Variants in EIF3A observed in about 807,000 individuals in gnomAD.
EIF3A encodes eukaryotic translation initiation factor 3 subunit A, also known as EIF3, p180 subunit.
A neutral mutation model predicts 186.6 loss-of-function variants in EIF3A; 21 were observed. The ratio of observed to expected loss-of-function variants is 0.11; its 90% CI spans 0.08 to 0.16. EIF3A has a LOEUF of 0.16. Among genes scored for constraint, EIF3A ranks in the 10% least tolerant of loss-of-function variants. The probability of loss-of-function intolerance (pLI) is 1.00; values close to 1 mark genes in which losing one functional copy is unlikely to be tolerated. For missense variants in EIF3A, 1,306 were observed against 1,796.3 expected (o/e 0.73, Z 4.93); for synonymous variants, 563 against 584.3 (o/e 0.96, Z 0.52).
At chr10:119,061,085 A>G (rs1843877456) in intron 8 of EIF3A, 139 bp downstream of exon 8, 3 of 571,742 alleles carry the variant, frequency 5.2e-6, no homozygotes, top group Middle Eastern at 2.9e-4. Flanking sequence ...CTCTTGAAAT[A>G]AAGAAAAAAG....
chr10:119,063,905 A>G (rs1843929105), intron 7 of EIF3A, among the ~76,000 whole-genome samples: 1 of 152,214 alleles, frequency 6.6e-6, no homozygotes, highest in African/African-American at 2.4e-5. Flanking sequence ...CAACGTGGCA[A>G]AATCCCGTCT....
intron 14 of EIF3A, among the ~76,000 whole-genome samples, chr10:119,054,792 A>T (rs1848402293): frequency 6.6e-6 from 1 of 152,168 alleles, no homozygotes; most frequent in African/African-American, 2.4e-5. Flanking sequence ...CCTAGCTTTC[A>T]ACATGCCTTC....
intron 14 of EIF3A, among the ~76,000 whole-genome samples, chr10:119,056,495 T>C (rs950025053): frequency 1.3e-5 from 2 of 152,222 alleles, no homozygotes; most frequent in Non-Finnish European, 1.5e-5. Flanking sequence ...AATTTACCCA[T>C]TTAAAGTGTA....
chr10:119,051,772 T>C (rs992968077), intron 14 of EIF3A, among the ~76,000 whole-genome samples: 1 of 152,206 alleles, frequency 6.6e-6, no homozygotes, highest in Non-Finnish European at 1.5e-5. Context: ...TTTAAAATAC[T>C]GTAAGTCAGA....
chr10:119,059,983 G>C (rs370229538), intron 9 of EIF3A: 1 of 533,442 alleles, frequency 1.9e-6, no homozygotes, highest in Non-Finnish European at 3.5e-6. Flanking sequence ...GCTACTTACC[G>C]AATATATTTA....
intron 20 of EIF3A, 89 bp from the exon 21 acceptor site, chr10:119,037,398 GT>G: frequency 2.5e-6 from 3 of 1,180,142 alleles, no homozygotes; most frequent in Non-Finnish European, 3.6e-6. Flanking sequence ...GGGGCTTAGA[GT>G]TTACAAATAT....
chr10:119,075,488 G>T (rs1300493692), intron 1 of EIF3A, among the ~76,000 whole-genome samples: 1 of 150,610 alleles, frequency 6.6e-6, no homozygotes, highest in Non-Finnish European at 1.5e-5. Flanking sequence ...GGAGAAAGAG[G>T]TTATTTAACC....
In EIF3A at chr10:119,059,122, T is replaced by C. The variant is rs1843839452; in HGVS notation, c.1629+90A>G. 1.5e-5 allele frequency: 15 copies of C among 981,270 alleles called. No homozygotes were observed. The South Asian group carries it at 1.9e-4, about 13-fold the overall frequency. The allele number at this position is 981,270 out of a possible 1,614,324, so 60.8% of individuals were successfully genotyped here. ...CATATCATAAATCCCTTCTCTCAGA[T>C]ATTGTCTCAAACCTTTTTGTAAAAG... On this transcript the variant is annotated intron_variant, in intron 11 of 21. Coordinates refer to ENST00000369144, the MANE Select transcript of EIF3A (RefSeq NM_003750.4).
At chr10:119,066,665 A>G (rs994781111) in intron 6 of EIF3A, among the ~76,000 whole-genome samples, 2 of 152,110 alleles carry the variant, frequency 1.3e-5, no homozygotes, top group African/African-American at 2.4e-5. Context: ...CTGAAAGACA[A>G]GAAGTCAGGC....
intron 2 of EIF3A, 38 bp downstream of exon 2, chr10:119,073,709 A>C (rs1472409507): frequency 6.4e-7 from 1 of 1,567,296 alleles, no homozygotes. Flanking sequence ...ATTACTAAAA[A>C]CACTTGTTAA....
chr10:119,077,411 A>G (rs1436542011), intron 1 of EIF3A, among the ~76,000 whole-genome samples: 1 of 152,142 alleles, frequency 6.6e-6, no homozygotes, highest in Non-Finnish European at 1.5e-5. Context: ...AGATAGTGCC[A>G]CTGCACTCCA....
intron 7 of EIF3A, among the ~76,000 whole-genome samples, chr10:119,061,588 A>T (rs1843888437): frequency 6.6e-6 from 1 of 152,132 alleles, no homozygotes; most frequent in Non-Finnish European, 1.5e-5. Flanking sequence ...ACACAACTAC[A>T]ACCAATTAAA....
intron 1 of EIF3A, among the ~76,000 whole-genome samples, chr10:119,078,870 G>A (rs1429821328): frequency 1.3e-5 from 2 of 152,074 alleles, no homozygotes; most frequent in African/African-American, 4.8e-5. Flanking sequence ...AAAAAGAGAA[G>A]CGATAAAGGA....
At position 119,035,426 on chromosome 10, in the gene EIF3A, TACA is replaced by T. The variant is rs1338413578; in HGVS notation, c.*610_*612del. The T allele has an allele frequency of 1.3e-5, 2 of 150,516 alleles. No individual in the cohort carries two copies. The highest frequency in any genetic ancestry group is 4.9e-5 in the African/African-American group (2 of 41,064). The allele number at this position is 150,516 out of a possible 1,614,324, so 9.3% of individuals were successfully genotyped here. On this transcript the variant is annotated 3_prime_UTR_variant, in exon 22 of 22. Coordinates refer to ENST00000369144, the MANE Select transcript of EIF3A (RefSeq NM_003750.4). Reference sequence around the variant, plus strand: ...CACACTTGCGCAGTAATCTTGTCATTACAACAACTGCAAATTGCTTTGTACTCA... The same window carrying T: ...CACACTTGCGCAGTAATCTTGTCATTACAACTGCAAATTGCTTTGTACTCA...
At chr10:119,076,791 C>T (rs928634306) in intron 1 of EIF3A, among the ~76,000 whole-genome samples, 7 of 151,862 alleles carry the variant, frequency 4.6e-5, no homozygotes, top group Admixed American at 6.6e-5. Flanking sequence ...CAAAAATTAG[C>T]CAGGCATGGT....
chr10:119,052,547 C>T (rs1007586458), intron 14 of EIF3A, among the ~76,000 whole-genome samples: 3 of 151,876 alleles, frequency 2.0e-5, no homozygotes, highest in African/African-American at 7.3e-5. Flanking sequence ...GCTAATTTTC[C>T]TGTTTTTTTG....
At chr10:119,061,016 A>G (rs3824822) in intron 8 of EIF3A, 172 bp from the exon 9 acceptor site, 468,226 of 586,120 alleles carry the variant, frequency 0.8, 188,270 homozygotes, top group East Asian at 0.9. Context: ...CAATGGCTAA[A>G]TTAGTCATGC....
At chr10:119,080,541 C>A in intron 1 of EIF3A, 87 bp downstream of exon 1, 2 of 1,456,838 alleles carry the variant, frequency 1.4e-6, no homozygotes, top group Admixed American at 2.8e-5. Context: ...GCGGGCCGGG[C>A]GGCGGAGCAG....
chr10:119,066,505 C>CAAAA lies in EIF3A; in HGVS notation c.951-939_951-936dup, dbSNP rs71016533. Among the ~76,000 whole-genome samples, 10 of 47,496 alleles carry CAAAA rather than the reference C, an allele frequency of 2.1e-4. 1 individual carries two copies. Among genetic ancestry groups the CAAAA allele is most frequent in the African/African-American group, 8.0e-4 (8 of 9,942 alleles). 31.2% of individuals were successfully genotyped at this position (47,496 alleles called of 152,430 possible). ...GCCTGGGGGGCAGAGTTAAGACTGT[C>CAAAA]AAAAAAAAAAAAAAAAAAAAAAAAA... On this transcript the variant is annotated intron_variant, in intron 6 of 21. Transcript: ENST00000369144.
Sources: allele counts gnomAD v4.1 joint callset (sites outside exome capture counted in the v4.1 genomes callset), GRCh38; gene constraint gnomAD v4.1.1; transcripts MANE v1.5; gene names NCBI Gene and HGNC (gene_info 2026-07-23, HGNC 2026-07-21).